Variants in KIF23 observed in about 807,000 individuals in gnomAD.
KIF23 encodes the protein kinesin family member 23.
A neutral mutation model predicts 137.5 loss-of-function variants in KIF23; 30 were observed. That is an observed-to-expected ratio of 0.22 (90% CI 0.16 to 0.30). The LOEUF (loss-of-function observed/expected upper bound fraction) is 0.30. Ranked by LOEUF, KIF23 falls within the 10% of genes least tolerant of loss-of-function variation. The pLI, the probability that KIF23 is intolerant of heterozygous loss-of-function variation, is 1.00. For synonymous variants in KIF23, 367 were observed against 391.1 expected (o/e 0.94, Z 0.73); for missense variants, 920 against 1,194.3 (o/e 0.77, Z 3.38).
At chr15:69,425,456 C>T (rs1175843447) in intron 8 of KIF23, 133 bp downstream of exon 8, 4 of 742,094 alleles carry the variant, frequency 5.4e-6, no homozygotes, top group Non-Finnish European at 8.9e-6. Flanking sequence ...GCCCTCCTTG[C>T]TTCCTGAAAA....
rs2057182797 is a variant in KIF23, at chr15:69,426,080, T to C, written c.787T>C (p.Ser263Pro). ...MRNTDFVPPQ[S>P]KLLREDKNHN... is the part of the protein sequence containing the mutation. ...TTTTCTTTCCCATAGACCTCCACAATCTAAATTGCTTCGTGAAGATAAGAA... is the reference window on the plus strand; with the variant it reads ...TTTTCTTTCCCATAGACCTCCACAACCTAAATTGCTTCGTGAAGATAAGAA... Residue 263 changes from serine (S) to proline (P), a missense_variant, in exon 9 of 24, where the codon TCT becomes CCT. By Grantham distance (74) the Ser-to-Pro change is moderately conservative. This residue lies in a region of KIF23 where 714 missense variants were observed against 866.2 expected (regional missense o/e 0.82). Transcript: ENST00000679126. 5 of 1,583,394 alleles carry C rather than the reference T, an allele frequency of 3.2e-6. No homozygotes were observed. The East Asian group carries it at 6.8e-5, about 21-fold the overall frequency.
At chr15:69,437,920 T>G (rs772322204) in intron 15 of KIF23, among the ~76,000 whole-genome samples, 1 of 152,206 alleles carries the variant, frequency 6.6e-6, no homozygotes, top group Non-Finnish European at 1.5e-5. Flanking sequence ...CAGCTCAGGT[T>G]TAATTAATCC....
chr15:69,436,740 T>A lies in KIF23; in HGVS notation c.1597+18T>A. On this transcript the variant is annotated intron_variant, in intron 15 of 23. Coordinates refer to ENST00000679126, the MANE Select transcript of KIF23 (RefSeq NM_001367805.3). ...CAAACAATGTAAGGGCAAAACTATT[T>A]GAAATAATTTTATTTAATTATTTTT... is the stretch of plus-strand genomic sequence containing the variant. The A allele has an allele frequency of 7.0e-7, 1 of 1,430,900 alleles. No homozygotes were observed. Among genetic ancestry groups the A allele is most frequent in the Non-Finnish European group, 9.3e-7 (1 of 1,072,626 alleles). The allele number at this position is 1,430,900 out of a possible 1,614,324, so 88.6% of individuals were successfully genotyped here. A position where few individuals can be genotyped will look rare whatever the true frequency, so the allele number is the denominator to read the frequency against.
intron 3 of KIF23, 111 bp downstream of exon 3, chr15:69,417,622 T>G: frequency 8.4e-7 from 1 of 1,189,652 alleles, no homozygotes; most frequent in South Asian, 1.5e-5. Context: ...TTCAAAAGAC[T>G]TATTTACTTC....
rs779496268 is a variant in KIF23 at position 69,426,483 on chromosome 15, T to A, written c.1011+26T>A. 1.9e-6 allele frequency: 3 copies of A among 1,611,684 alleles called. No individual in the cohort carries two copies. The South Asian group carries it at 3.3e-5, about 18-fold the overall frequency. On this transcript the variant is annotated intron_variant, in intron 10 of 23. Coordinates refer to ENST00000679126, the MANE Select transcript of KIF23 (RefSeq NM_001367805.3). The stretch of plus-strand genomic sequence containing the variant: ...GTAAAGTTGTAGTATGTGGAGTTTT[T>A]CTGGTTCTAACTCTATCCTTAATTT...
At chr15:69,438,101 C>T in intron 15 of KIF23, 147 bp from the exon 16 acceptor site, 1 of 601,200 alleles carries the variant, frequency 1.7e-6, no homozygotes, top group South Asian at 2.5e-5. Flanking sequence ...CTCCTGATTT[C>T]CCTCTAAACT....
chr15:69,435,894 A>G lies in KIF23; in HGVS notation c.1314+123A>G, dbSNP rs1372941359. On this transcript the variant is annotated intron_variant, in intron 13 of 23. Coordinates refer to ENST00000679126, the MANE Select transcript of KIF23 (RefSeq NM_001367805.3). ...ATAGAGAACCATTGATTGTAGAAGT[A>G]AACTAGGCTTGGTGTGGTGGCTTAT... The G allele has an allele frequency of 8.8e-6, 12 of 1,356,870 alleles. No individual in the cohort carries two copies. In the African/African-American group the frequency reaches 1.3e-4, roughly 15 times the overall value. The allele number at this position is 1,356,870 out of a possible 1,614,324, so 84.1% of individuals were successfully genotyped here.
chr15:69,414,935 C>T (rs901275288), intron 1 of KIF23: 1 of 159,836 alleles, frequency 6.3e-6, no homozygotes, highest in African/African-American at 2.4e-5. Context: ...GGCTCCGTTT[C>T]TGGAGAGCCC....
At chr15:69,433,101 G>C (rs2057394696) in intron 11 of KIF23, among the ~76,000 whole-genome samples, 2 of 152,200 alleles carry the variant, frequency 1.3e-5, no homozygotes, top group African/African-American at 4.8e-5. Context: ...ATTTGAAGAT[G>C]CAGGGAAATC....
intron 1 of KIF23, among the ~76,000 whole-genome samples, chr15:69,415,285 C>A (rs1307575413): frequency 6.6e-6 from 1 of 152,156 alleles, no homozygotes; most frequent in Admixed American, 6.5e-5. Context: ...GTATTTTGCA[C>A]TGAATAACAC....
chr15:69,421,764 C>G lies in KIF23; in HGVS notation c.316+12C>G, dbSNP rs1301356008. 1 of 1,554,312 alleles carries G rather than the reference C, an allele frequency of 6.4e-7. No individual in the cohort carries two copies. The highest frequency in any genetic ancestry group is 1.8e-5 in the Admixed American group (1 of 56,006). Reference sequence around the variant, plus strand: ...TCATGGCAAAAATGGTATGATATGACTCTTGGAGTTTTGTTAGATTTTCCT... The same window carrying G: ...TCATGGCAAAAATGGTATGATATGAGTCTTGGAGTTTTGTTAGATTTTCCT... On this transcript the variant is annotated intron_variant, in intron 4 of 23. Transcript: ENST00000679126.
intron 10 of KIF23, among the ~76,000 whole-genome samples, chr15:69,428,403 C>A (rs1253200658): frequency 6.6e-6 from 1 of 151,828 alleles, no homozygotes; most frequent in Admixed American, 6.6e-5. Flanking sequence ...CCCCTGTAAT[C>A]CCAAGCACTT....
chr15:69,444,736 G>C lies in KIF23; in HGVS notation c.2422-54G>C, dbSNP rs1205856905. 2 of 1,575,920 alleles carry C rather than the reference G, an allele frequency of 1.3e-6. No homozygotes were observed. The highest frequency in any genetic ancestry group is 2.3e-5 in the South Asian group (2 of 87,454). On this transcript the variant is annotated intron_variant, in intron 19 of 23. Transcript: ENST00000679126. This position sits in a 1 kb window ranked among gnomAD's most constrained non-coding sequence, Gnocchi z 4.2. ...GTCATCAACTAATGTAGCCAAACCT[G>C]CTGCACTTCTAATAATACCCTTAAA...
chr15:69,435,102 TG>T (rs2140375102), intron 11 of KIF23: 3 of 483,734 alleles, frequency 6.2e-6, no homozygotes, highest in South Asian at 4.0e-5. Flanking sequence ...GACGGTGGCC[TG>T]GGGGTCGCCA....
intron 19 of KIF23, among the ~76,000 whole-genome samples, chr15:69,443,397 G>A (rs2057672216): frequency 7.3e-6 from 1 of 136,660 alleles, no homozygotes; most frequent in African/African-American, 2.8e-5. Context: ...GGAGTGCAGT[G>A]GTGTCATCTA....
Position 69,444,713 on chromosome 15 carries a change from C to T in KIF23, c.2422-77C>T. 7.0e-7 allele frequency: 1 copy of T among 1,429,958 alleles called. No individual in the cohort carries two copies. The highest frequency in any genetic ancestry group is 9.6e-7 in the Non-Finnish European group (1 of 1,042,324). 88.6% of individuals were successfully genotyped at this position (1,429,958 alleles called of 1,614,324 possible). On this transcript the variant is annotated intron_variant, in intron 19 of 23. Transcript: ENST00000679126. The surrounding 1 kb of genome is among the most constrained non-coding windows in gnomAD (Gnocchi z 4.2). ...TTGGAAAGGTTTGCTATGATACTGTCATCAACTAATGTAGCCAAACCTGCT... is the reference window on the plus strand; with the variant it reads ...TTGGAAAGGTTTGCTATGATACTGTTATCAACTAATGTAGCCAAACCTGCT...
intron 3 of KIF23, among the ~76,000 whole-genome samples, chr15:69,420,565 A>G (rs1038688188): frequency 2.0e-5 from 3 of 152,242 alleles, no homozygotes; most frequent in Non-Finnish European, 4.4e-5. Flanking sequence ...GTCACAATTT[A>G]TTTAAAATGT....
intron 3 of KIF23, among the ~76,000 whole-genome samples, chr15:69,419,670 G>A (rs576980288): frequency 2.0e-5 from 3 of 152,174 alleles, no homozygotes; most frequent in East Asian, 3.9e-4. Context: ...TTGTTTACTT[G>A]TTTATTGTCT....
chr15:69,435,006 C>T, intron 11 of KIF23: 1 of 601,566 alleles, frequency 1.7e-6, no homozygotes, highest in Admixed American at 2.8e-5. Context: ...CACGGACTCG[C>T]TCAACACCGC....
Sources: allele counts gnomAD v4.1 joint callset (sites outside exome capture counted in the v4.1 genomes callset), GRCh38; gene constraint gnomAD v4.1.1; regional missense constraint gnomAD v4.1.1; non-coding constraint Gnocchi (gnomAD v3.1); transcripts MANE v1.5; gene names NCBI Gene and HGNC (gene_info 2026-07-23, HGNC 2026-07-21).